ZBTB40: variants seen among roughly 807,000 people sequenced by gnomAD.
ZBTB40 encodes the protein zinc finger and BTB domain-containing protein 40.
Under a neutral mutation model 117.5 loss-of-function variants are expected in ZBTB40, and 60 were observed. That is an observed-to-expected ratio of 0.51 (90% CI 0.41 to 0.63). The LOEUF (loss-of-function observed/expected upper bound fraction) is 0.63. ZBTB40 is among the 30% of genes least tolerant of loss of function. The pLI is 0.00. For synonymous variants in ZBTB40, 525 were observed against 577.1 expected, an observed-to-expected ratio of 0.91 and a Z score of 1.29; for missense variants, 1,287 against 1,498.5, an observed-to-expected ratio of 0.86 and a Z score of 2.33.
At chr1:22,520,807 A>G (rs1639501180) in intron 14 of ZBTB40, among the ~76,000 whole-genome samples, 1 of 152,250 alleles carries the variant, frequency 6.6e-6, no homozygotes, top group African/African-American at 2.4e-5. Flanking sequence ...TCCTTGTGGC[A>G]TCTATAAGAT....
intron 1 of ZBTB40, among the ~76,000 whole-genome samples, chr1:22,467,235 A>T (rs1241275829): frequency 1.3e-5 from 2 of 152,152 alleles, no homozygotes; most frequent in Non-Finnish European, 2.9e-5. Flanking sequence ...ATCTGGAATT[A>T]TACAGCTTGT....
chr1:22,510,579 G>C (rs1639205264), intron 9 of ZBTB40, among the ~76,000 whole-genome samples: 1 of 152,188 alleles, frequency 6.6e-6, no homozygotes, highest in Non-Finnish European at 1.5e-5. Flanking sequence ...TCTTTCTGCT[G>C]ATAGCTCTAA....
At chr1:22,492,729 C>G (rs1485220083) in intron 3 of ZBTB40, among the ~76,000 whole-genome samples, 1 of 152,188 alleles carries the variant, frequency 6.6e-6, no homozygotes, top group Non-Finnish European at 1.5e-5. Context: ...ACATTGTTTT[C>G]TTGGGAGACA....
intron 1 of ZBTB40, among the ~76,000 whole-genome samples, chr1:22,429,047 T>A (rs763706261): frequency 6.6e-6 from 1 of 152,180 alleles, no homozygotes; most frequent in Non-Finnish European, 1.5e-5. Flanking sequence ...CAAGCAAAAG[T>A]CTTTCATTTT....
chr1:22,512,439 A>T (rs1639265939), intron 11 of ZBTB40, among the ~76,000 whole-genome samples: 1 of 152,214 alleles, frequency 6.6e-6, no homozygotes. Context: ...GCACACAATA[A>T]CTTACAGCTC....
At chr1:22,481,720 G>T (rs1228114516) in intron 1 of ZBTB40, among the ~76,000 whole-genome samples, 1 of 121,852 alleles carries the variant, frequency 8.2e-6, no homozygotes, top group Non-Finnish European at 1.6e-5. Flanking sequence ...TGTTTAAAAA[G>T]ATCTAATGTA....
intron 1 of ZBTB40, among the ~76,000 whole-genome samples, chr1:22,469,166 A>G (rs1314504405): frequency 6.6e-6 from 1 of 152,154 alleles, no homozygotes; most frequent in Non-Finnish European, 1.5e-5. Flanking sequence ...TCACTGGTTT[A>G]TCATTTATGT....
chr1:22,524,186 C>T, intron 16 of ZBTB40, 32 bp from the exon 17 acceptor site: 1 of 1,605,188 alleles, frequency 6.2e-7, no homozygotes, highest in South Asian at 1.1e-5. Context: ...ATTTTACCCA[C>T]AGCCCTCCCC....
chr1:22,489,890 C>G lies in ZBTB40; in HGVS notation c.-59C>G. On this transcript the variant is annotated 5_prime_UTR_variant, in exon 2 of 18. Transcript: ENST00000375647. The stretch of plus-strand genomic sequence containing the variant: ...TGTGGGTTTCTCTAGGGCCTGTCCT[C>G]CCAAAGCCAACTCTAAGGAGAGGAG... 1 of 1,572,410 alleles carries G rather than the reference C, an allele frequency of 6.4e-7. No individual in the cohort carries two copies. Among genetic ancestry groups the G allele is most frequent in the South Asian group, 1.1e-5 (1 of 90,324 alleles).
Position 22,431,506 on chromosome 1 carries a change from A to AG in ZBTB40, c.-70+2498dup, listed in dbSNP as rs200810801. Among the ~76,000 whole-genome samples the AG allele has an allele frequency of 4.1e-3, 625 of 151,284 alleles. 1 individual carries two copies. Among genetic ancestry groups the AG allele is most frequent in the African/African-American group, 5.3e-3 (217 of 41,210 alleles). ...GTAATCCCAGCACTTTGGGAGACCA[A>AG]GGGGGGTGGGTCACCTAAGGTCAGG... On this transcript the variant is annotated intron_variant, in intron 1 of 8. Coordinates refer to the ZBTB40 transcript ENST00000650433.
intron 1 of ZBTB40, among the ~76,000 whole-genome samples, chr1:22,476,233 A>G (rs1157616638): frequency 1.3e-5 from 2 of 152,134 alleles, no homozygotes; most frequent in Non-Finnish European, 2.9e-5. Flanking sequence ...AGGATCCTCA[A>G]AGTTTCTTTT....
chr1:22,496,461 C>T (rs1055119445), intron 3 of ZBTB40, among the ~76,000 whole-genome samples: 4 of 152,040 alleles, frequency 2.6e-5, no homozygotes, highest in African/African-American at 7.3e-5. Context: ...TGTAGGGGGA[C>T]GCTGTAAACC....
chr1:22,511,089 T>G, intron 9 of ZBTB40, 90 bp from the exon 10 acceptor site: 9 of 1,488,564 alleles, frequency 6.0e-6, no homozygotes, highest in Non-Finnish European at 8.3e-6. Context: ...CTTCCTGGGA[T>G]TAGCTTTTTT....
intron 1 of ZBTB40, among the ~76,000 whole-genome samples, chr1:22,468,891 A>G (rs934203168): frequency 2.0e-5 from 3 of 152,056 alleles, no homozygotes; most frequent in Non-Finnish European, 4.4e-5. Context: ...CAGTGGCACA[A>G]TCATAGCTCA....
intron 1 of ZBTB40, among the ~76,000 whole-genome samples, chr1:22,485,636 G>A (rs1299238261): frequency 6.6e-6 from 1 of 152,052 alleles, no homozygotes; most frequent in Non-Finnish European, 1.5e-5. Flanking sequence ...AGTCATTATT[G>A]CATCAAATAT....
At chr1:22,523,600 G>A (rs1477257009) in intron 16 of ZBTB40, among the ~76,000 whole-genome samples, 1 of 152,188 alleles carries the variant, frequency 6.6e-6, no homozygotes, top group Non-Finnish European at 1.5e-5. Flanking sequence ...TGAGCGTTAT[G>A]TAAAACTAGT....
chr1:22,513,408 TGAATATATACA>T lies in ZBTB40; in HGVS notation c.2668+279_2668+289del, dbSNP rs919781580. Among the ~76,000 whole-genome samples the T allele has an allele frequency of 1.3e-4, 20 of 151,968 alleles. No individual in the cohort carries two copies. The highest frequency in any genetic ancestry group is 1.3e-4 in the Admixed American group (2 of 15,256). Reference sequence around the variant, plus strand: ...GCAGCACAACATCACATGTACCTTGTGAATATATACACCTACTGTGTACCCACAAAAGTTAA... The same window carrying T: ...GCAGCACAACATCACATGTACCTTGTCCTACTGTGTACCCACAAAAGTTAA... On this transcript the variant is annotated intron_variant, in intron 12 of 17. Transcript: ENST00000375647. The surrounding 1 kb of genome is among the most constrained non-coding windows in gnomAD (Gnocchi z 4.9).
intron 10 of ZBTB40, 40 bp from the exon 11 acceptor site, chr1:22,511,636 C>CA: frequency 6.3e-7 from 1 of 1,599,634 alleles, no homozygotes. Flanking sequence ...AAAATAGAAA[C>CA]AGAGAGTTCG....
upstream of ZBTB40, chr1:22,451,744 C>G (rs1044044856): frequency 8.3e-6 from 1 of 120,972 alleles, no homozygotes; most frequent in Admixed American, 9.3e-5. Context: ...AGCAACCAGC[C>G]GGCCCCCGCC....
Sources: allele counts gnomAD v4.1 joint callset (sites outside exome capture counted in the v4.1 genomes callset), GRCh38; gene constraint gnomAD v4.1.1; non-coding constraint Gnocchi (gnomAD v3.1); transcripts MANE v1.5; gene names NCBI Gene and HGNC (gene_info 2026-07-23, HGNC 2026-07-21).